KIAA2012: variants seen among roughly 807,000 people sequenced by gnomAD.
KIAA2012 encodes KIAA2012.
In KIAA2012, 125 loss-of-function variants were observed where a neutral mutation model predicts 150.6. The observed-to-expected ratio is 0.83, with a 90% CI of 0.72 to 0.96. The LOEUF is 0.96. Ranked by LOEUF, KIAA2012 falls within the 40% of genes least tolerant of loss-of-function variation. The pLI is 0.00. For missense variants in KIAA2012, 1,219 were observed against 1,354.9 expected (o/e 0.90, Z 1.57); for synonymous variants, 462 against 504.7 (o/e 0.92, Z 1.13).
chr2:202,159,103 G>T (rs898855055), intron 14 of KIAA2012, among the ~76,000 whole-genome samples: 1 of 152,188 alleles, frequency 6.6e-6, no homozygotes, highest in Non-Finnish European at 1.5e-5. Flanking sequence ...TATGTGGGCA[G>T]GTGTACATGC....
At position 202,090,897 on chromosome 2, in the gene KIAA2012, C is replaced by G; in HGVS notation, c.497C>G (p.Pro166Arg). Reference sequence around the variant, plus strand: ...CTCCGAGGCCTCCTGCGGACTTGGCCCCCAGACGCCATGTATAGGCTCTGG... The same window carrying G: ...CTCCGAGGCCTCCTGCGGACTTGGCGCCCAGACGCCATGTATAGGCTCTGG... ...RYLRGLLRTWPPDAMYRLWCA... is the reference protein window; with the variant it reads ...RYLRGLLRTWRPDAMYRLWCA... The change falls in exon 3 of 24, where the codon CCC becomes CGC. Residue 166 changes from proline to arginine, a missense_variant. By Grantham distance (103) the Pro-to-Arg change is moderately radical (BLOSUM62 -2). Coordinates refer to ENST00000498697, the MANE Select transcript of KIAA2012 (RefSeq NM_001277372.4). 1 of 1,550,330 alleles carries G rather than the reference C, an allele frequency of 6.5e-7. No individual in the cohort carries two copies. Among genetic ancestry groups the G allele is most frequent in the East Asian group, 2.4e-5 (1 of 40,910 alleles).
At position 202,102,975 on chromosome 2, in the gene KIAA2012, C is replaced by G; in HGVS notation, c.1185C>G (p.Ile395Met). 6.4e-7 allele frequency: 1 copy of G among 1,550,510 alleles called. No individual in the cohort carries two copies. The highest frequency in any genetic ancestry group is 8.7e-7 in the Non-Finnish European group (1 of 1,146,964). Residue 395 changes from isoleucine to methionine, a missense_variant, in exon 8 of 24, where the codon ATC becomes ATG. Ile to Met is a conservative substitution (Grantham distance 10). Coordinates refer to ENST00000498697, the MANE Select transcript of KIAA2012 (RefSeq NM_001277372.4). ...KAPKALKLPPISEEPPRVLEP... is the reference protein window; with the variant it reads ...KAPKALKLPPMSEEPPRVLEP... Reference sequence around the variant, plus strand: ...CAAAGGCTTTGAAATTACCTCCTATCTCAGAAGAACCACCCAGAGTCTTGG... The same window carrying G: ...CAAAGGCTTTGAAATTACCTCCTATGTCAGAAGAACCACCCAGAGTCTTGG...
intron 11 of KIAA2012, among the ~76,000 whole-genome samples, chr2:202,123,189 C>T (rs1199296990): frequency 2.0e-5 from 3 of 152,164 alleles, no homozygotes; most frequent in African/African-American, 7.2e-5. Flanking sequence ...AGGGCGGTGG[C>T]GGTGACAGAC....
chr2:202,128,598 G>A (rs932290833), intron 12 of KIAA2012, among the ~76,000 whole-genome samples: 2 of 152,060 alleles, frequency 1.3e-5, no homozygotes, highest in Admixed American at 1.3e-4. Flanking sequence ...TTTAAGGGCA[G>A]GGGCCCACCA....
At chr2:202,196,755 C>T (rs1286869540) in intron 21 of KIAA2012, 45 bp from the exon 22 acceptor site, 10 of 1,521,632 alleles carry the variant, frequency 6.6e-6, no homozygotes, top group Non-Finnish European at 8.8e-6. Flanking sequence ...ATTGTTTTCC[C>T]TAAAAATGAT....
chr2:202,141,503 AACTGC>A (rs1382063846), intron 13 of KIAA2012, among the ~76,000 whole-genome samples: 2 of 152,126 alleles, frequency 1.3e-5, no homozygotes, highest in African/African-American at 4.8e-5. Context: ...CTTTCAAATG[AACTGC>A]TTCCCCACTG....
At chr2:202,136,151 TG>T in intron 12 of KIAA2012, 1 of 253,508 alleles carries the variant, frequency 3.9e-6, no homozygotes, top group Non-Finnish European at 8.2e-6. Context: ...TTCCTTCTGG[TG>T]GGTTCGTGGT....
Position 202,093,253 on chromosome 2 carries a change from A to G in KIAA2012, c.685+68A>G. On this transcript the variant is annotated intron_variant, in intron 4 of 23. Coordinates refer to ENST00000498697, the MANE Select transcript of KIAA2012 (RefSeq NM_001277372.4). ...ATATTTGAATTGTTAACACCTTAAA[A>G]TGGCATTTCCCAAAACAAGGTCTTG... 2.7e-6 allele frequency: 4 copies of G among 1,482,102 alleles called. 1 individual carries two copies. The highest frequency in any genetic ancestry group is 3.7e-6 in the Non-Finnish European group (4 of 1,090,208). The allele number at this position is 1,482,102 out of a possible 1,614,324, so 91.8% of individuals were successfully genotyped here. A position where few individuals can be genotyped will look rare whatever the true frequency, so the allele number is the denominator to read the frequency against.
At chr2:202,158,315 A>G (rs755340129) in intron 14 of KIAA2012, among the ~76,000 whole-genome samples, 13 of 151,480 alleles carry the variant, frequency 8.6e-5, no homozygotes, top group Non-Finnish European at 1.6e-4. Flanking sequence ...CATATATTAA[A>G]TATGCTCTGA....
chr2:202,203,806 G>A (rs1220616014), intron 23 of KIAA2012, among the ~76,000 whole-genome samples: 2 of 146,746 alleles, frequency 1.4e-5, no homozygotes, highest in Non-Finnish European at 3.0e-5. Flanking sequence ...GTCTCGCTCT[G>A]TCGCCCAGGC....
At chr2:202,139,126 A>G (rs1691143497) in intron 13 of KIAA2012, among the ~76,000 whole-genome samples, 2 of 151,860 alleles carry the variant, frequency 1.3e-5, no homozygotes, top group Admixed American at 1.3e-4. Context: ...CTGTGGTCCC[A>G]GCTACTTGGG....
chr2:202,166,846 C>G (rs940284455), intron 15 of KIAA2012, among the ~76,000 whole-genome samples: 1 of 152,106 alleles, frequency 6.6e-6, no homozygotes, highest in Non-Finnish European at 1.5e-5. Flanking sequence ...CTTCAAGTTT[C>G]CACAAGACAG....
intron 21 of KIAA2012, 141 bp downstream of exon 21, chr2:202,194,503 G>T: frequency 1.6e-6 from 1 of 631,076 alleles, no homozygotes; most frequent in South Asian, 3.2e-5. Flanking sequence ...TTTTCAAAGT[G>T]ATTATGTATG....
intron 23 of KIAA2012, among the ~76,000 whole-genome samples, chr2:202,203,555 C>T (rs1692572336): frequency 6.6e-6 from 1 of 152,194 alleles, no homozygotes; most frequent in African/African-American, 2.4e-5. Flanking sequence ...CCACAACACC[C>T]CCATTTCAAG....
intron 19 of KIAA2012, among the ~76,000 whole-genome samples, chr2:202,191,154 G>A (rs557501314): frequency 1.9e-4 from 29 of 152,162 alleles, no homozygotes; most frequent in Non-Finnish European, 3.7e-4. Flanking sequence ...GTGCACGCCT[G>A]TAATCCCAGC....
chr2:202,099,810 T>C lies in KIAA2012; in HGVS notation c.1012+14T>C, dbSNP rs764222583. The stretch of plus-strand genomic sequence containing the variant: ...CAGATCTCAGCGGTAAGAACTCAAA[T>C]GTCTTGCTCATTGATCTGGGTAAAG... On this transcript the variant is annotated intron_variant, in intron 6 of 23. Coordinates refer to ENST00000498697, the MANE Select transcript of KIAA2012 (RefSeq NM_001277372.4). 2 of 1,541,758 alleles carry C rather than the reference T, an allele frequency of 1.3e-6. No individual in the cohort carries two copies. The highest frequency in any genetic ancestry group is 2.4e-5 in the South Asian group (2 of 82,742).
intron 13 of KIAA2012, among the ~76,000 whole-genome samples, chr2:202,153,647 C>T (rs990325403): frequency 9.2e-5 from 14 of 152,194 alleles, no homozygotes; most frequent in Admixed American, 9.2e-4. Context: ...TTATTTTTCT[C>T]CCTGTCACAA....
intron 9 of KIAA2012, among the ~76,000 whole-genome samples, chr2:202,108,089 A>G (rs892374420): frequency 6.6e-6 from 1 of 152,202 alleles, no homozygotes. Context: ...CTGCACGGGC[A>G]TATTGATGCT....
At chr2:202,134,348 A>G (rs1449778472) in intron 12 of KIAA2012, among the ~76,000 whole-genome samples, 1 of 148,938 alleles carries the variant, frequency 6.7e-6, no homozygotes, top group Non-Finnish European at 1.5e-5. Flanking sequence ...ACCACTGGAT[A>G]TTTGGCCACT....
Sources: gnomAD v4.1 joint callset for allele counts (sites outside exome capture counted in the v4.1 genomes callset) on GRCh38, gnomAD v4.1.1 for gene constraint, MANE v1.5 for transcripts, NCBI Gene and HGNC (gene_info 2026-07-23, HGNC 2026-07-21) for gene names.